ADARB2: variants seen among roughly 807,000 people sequenced by gnomAD.
ADARB2 encodes inactive double-stranded RNA-specific editase B2.
A neutral mutation model predicts 62.2 loss-of-function variants in ADARB2; 25 were observed. The ratio of observed to expected loss-of-function variants is 0.40; its 90% CI spans 0.29 to 0.56. The LOEUF (loss-of-function observed/expected upper bound fraction) is 0.56. Among genes scored for constraint, ADARB2 ranks in the 20% least tolerant of loss-of-function variants. ADARB2 has a pLI of 0.43. For missense variants in ADARB2, 1,071 were observed against 1,077.4 expected, an observed-to-expected ratio of 0.99 and a Z score of 0.08; for synonymous variants, 572 against 500.8, an observed-to-expected ratio of 1.14 and a Z score of -1.90.
intron 1 of ADARB2, among the ~76,000 whole-genome samples, chr10:1,419,942 A>G (rs192963988): frequency 1.9e-4 from 29 of 152,366 alleles, no homozygotes; most frequent in Middle Eastern, 3.4e-3. Context: ...ATCCGAGTGT[A>G]AAATGTAGCA....
chr10:1,721,078 G>C (rs1386198693), intron 1 of ADARB2, among the ~76,000 whole-genome samples: 2 of 152,332 alleles, frequency 1.3e-5, no homozygotes, highest in East Asian at 3.9e-4. Flanking sequence ...GCACTCGCTT[G>C]AAGGAAATGC....
chr10:1,609,135 G>A (rs1333943543), intron 1 of ADARB2, among the ~76,000 whole-genome samples: 2 of 152,234 alleles, frequency 1.3e-5, no homozygotes. Flanking sequence ...CAGGGAGCCT[G>A]ACCCTGCTCC....
At chr10:1,691,899 A>ATGTG (rs57984302) in intron 1 of ADARB2, among the ~76,000 whole-genome samples, 5,103 of 150,470 alleles carry the variant, frequency 0.034, 135 homozygotes, top group East Asian at 0.13. Flanking sequence ...TCATTACTAA[A>ATGTG]TGTGTGTGTG....
At chr10:1,380,638 A>G (rs964905386) in intron 1 of ADARB2, among the ~76,000 whole-genome samples, 1 of 152,182 alleles carries the variant, frequency 6.6e-6, no homozygotes, top group Non-Finnish European at 1.5e-5. Flanking sequence ...TTCATTCGGG[A>G]GCCTGTTAAC....
intron 3 of ADARB2, among the ~76,000 whole-genome samples, chr10:1,329,915 G>A (rs1274377477): frequency 2.1e-5 from 3 of 143,894 alleles, no homozygotes; most frequent in Non-Finnish European, 4.5e-5. Context: ...ACTAAAGCCA[G>A]GTAGAAGAAG....
At chr10:1,365,664 G>A (rs1358849032) in intron 2 of ADARB2, among the ~76,000 whole-genome samples, 1 of 152,158 alleles carries the variant, frequency 6.6e-6, no homozygotes, top group Non-Finnish European at 1.5e-5. Flanking sequence ...ATAGGTCGGT[G>A]GTCAGGAGCA....
At chr10:1,656,619 A>G (rs748866721) in intron 1 of ADARB2, among the ~76,000 whole-genome samples, 43 of 152,178 alleles carry the variant, frequency 2.8e-4, no homozygotes, top group Non-Finnish European at 5.3e-4. Context: ...TGTTGCATAA[A>G]AGGCCTTTCT....
Position 1,324,267 on chromosome 10 carries a change from G to A in ADARB2, c.1077+38761C>T, listed in dbSNP as rs1831822989. 1.3e-5 allele frequency among the ~76,000 whole-genome samples: 2 copies of A among 152,202 alleles called. 1 individual carries two copies. The highest frequency in any genetic ancestry group is 4.1e-4 in the South Asian group (2 of 4,830). On this transcript the variant is annotated intron_variant, in intron 3 of 9. Coordinates refer to ENST00000381312, the MANE Select transcript of ADARB2 (RefSeq NM_018702.4). ...AGTGGCCACAATAAAGGCTGAGAAG[G>A]GCCCGGGTGGGTCCCTCATGCCTTG...
intron 3 of ADARB2, among the ~76,000 whole-genome samples, chr10:1,277,482 G>T (rs541031682): frequency 6.6e-6 from 1 of 152,160 alleles, no homozygotes; most frequent in African/African-American, 2.4e-5. Flanking sequence ...ACACCTCTAC[G>T]CAAATAAACT....
intron 2 of ADARB2, among the ~76,000 whole-genome samples, chr10:1,375,929 C>T (rs1247019214): frequency 6.7e-6 from 1 of 149,290 alleles, no homozygotes; most frequent in African/African-American, 2.5e-5. Context: ...CACATGCACA[C>T]ACGTGCACAG....
intron 1 of ADARB2, among the ~76,000 whole-genome samples, chr10:1,404,471 A>T (rs1270079079): frequency 6.6e-6 from 1 of 152,186 alleles, no homozygotes; most frequent in Admixed American, 6.5e-5. Context: ...CGTGGTGATG[A>T]GTGCGCAAGA....
intron 1 of ADARB2, among the ~76,000 whole-genome samples, chr10:1,645,976 T>G (rs1293207460): frequency 6.6e-6 from 1 of 152,108 alleles, no homozygotes; most frequent in Non-Finnish European, 1.5e-5. Flanking sequence ...CCTGCAGACA[T>G]GAAACAGATA....
intron 3 of ADARB2, among the ~76,000 whole-genome samples, chr10:1,324,400 G>T (rs142152233): frequency 2.1e-3 from 318 of 152,306 alleles, no homozygotes; most frequent in African/African-American, 6.8e-3. Flanking sequence ...ACCCCAGAGG[G>T]CATGGAAATT....
chr10:1,506,701 G>T (rs2131941804), intron 1 of ADARB2, among the ~76,000 whole-genome samples: 1 of 152,308 alleles, frequency 6.6e-6, no homozygotes, highest in South Asian at 2.1e-4. Flanking sequence ...TAAATGTAGG[G>T]GAGAAACTTG....
In ADARB2 at chr10:1,458,256, T is replaced by C. The variant is rs189516046; in HGVS notation, c.101-79096A>G. The stretch of plus-strand genomic sequence containing the variant: ...CACATTTAAATTTCTTGCGAATACT[T>C]CCCATCTGCAAAATAGGATCTTCTG... On this transcript the variant is annotated intron_variant, in intron 1 of 9. Coordinates refer to ENST00000381312, the MANE Select transcript of ADARB2 (RefSeq NM_018702.4). Among the ~76,000 whole-genome samples the C allele has an allele frequency of 3.9e-5, 6 of 152,210 alleles. No individual in the cohort carries two copies. The East Asian group carries it at 1.2e-3, about 29-fold the overall frequency.
At position 1,477,433 on chromosome 10, in the gene ADARB2, C is replaced by A. The variant is rs193044787; in HGVS notation, c.101-98273G>T. On this transcript the variant is annotated intron_variant, in intron 1 of 9. Transcript: ENST00000381312. This position sits in a 1 kb window ranked among gnomAD's most constrained non-coding sequence, Gnocchi z 4.5. ...TGACCCTATACAGCTTCCTTCCAGC[C>A]CTGCTTCTTTGCAGACGGCCCCTTT... is the stretch of plus-strand genomic sequence containing the variant. Among the ~76,000 whole-genome samples, 152 of 152,276 alleles carry A rather than the reference C, an allele frequency of 1.0e-3. 1 individual carries two copies. The highest frequency in any genetic ancestry group is 3.6e-3 in the African/African-American group (148 of 41,572).
At chr10:1,655,582 A>G (rs1365905170) in intron 1 of ADARB2, among the ~76,000 whole-genome samples, 1 of 152,180 alleles carries the variant, frequency 6.6e-6, no homozygotes, top group African/African-American at 2.4e-5. Flanking sequence ...CACCTTCTGC[A>G]TTTTCAAACA....
chr10:1,648,095 G>A (rs1213647280), intron 1 of ADARB2, among the ~76,000 whole-genome samples: 1 of 152,138 alleles, frequency 6.6e-6, no homozygotes, highest in African/African-American at 2.4e-5. Flanking sequence ...GAAAGTTTAG[G>A]AAACTGAAAA....
chr10:1,260,954 G>GATAT (rs1426585158), intron 4 of ADARB2, among the ~76,000 whole-genome samples: 1 of 132,028 alleles, frequency 7.6e-6, no homozygotes, highest in Non-Finnish European at 1.6e-5. Flanking sequence ...CCAAAACAGA[G>GATAT]ATATAGATCA....
Sources: gnomAD v4.1 joint callset for allele counts (sites outside exome capture counted in the v4.1 genomes callset) on GRCh38, gnomAD v4.1.1 for gene constraint, Gnocchi (gnomAD v3.1) non-coding constraint, MANE v1.5 for transcripts, NCBI Gene and HGNC (gene_info 2026-07-23, HGNC 2026-07-21) for gene names.